Variants in GREB1L observed in about 807,000 individuals in gnomAD.
GREB1L encodes the protein GREB1 like retinoic acid receptor coactivator.
GREB1L carries 17 observed loss-of-function variants against 200.8 expected under a neutral mutation model. The ratio of observed to expected loss-of-function variants is 0.08; its 90% confidence interval spans 0.06 to 0.13. The LOEUF is 0.13. GREB1L is among the 10% of genes least tolerant of loss of function. GREB1L has a pLI of 1.00. For synonymous variants in GREB1L, 789 were observed against 893.0 expected (o/e 0.88, Z 2.08); for missense variants, 1,657 against 2,367.7 (o/e 0.70, Z 6.23).
At chr18:21,336,025 A>G (rs2039180034) in intron 1 of GREB1L, among the ~76,000 whole-genome samples, 2 of 152,138 alleles carry the variant, frequency 1.3e-5, no homozygotes, top group Non-Finnish European at 2.9e-5. Context: ...CAGTGAGAGG[A>G]TGCTAGATGA....
intron 15 of GREB1L, among the ~76,000 whole-genome samples, chr18:21,459,837 G>A (rs1331511726): frequency 1.3e-5 from 2 of 152,158 alleles, no homozygotes; most frequent in African/African-American, 4.8e-5. Context: ...CTGAGGTAGA[G>A]GAAACACGAG....
chr18:21,265,937 T>C (rs1485136940), intron 1 of GREB1L, among the ~76,000 whole-genome samples: 1 of 152,192 alleles, frequency 6.6e-6, no homozygotes, highest in South Asian at 2.1e-4. Context: ...TTAATTTTCT[T>C]CCAAGAAATA....
chr18:21,293,439 T>A (rs1209271322), intron 1 of GREB1L, among the ~76,000 whole-genome samples: 3 of 152,184 alleles, frequency 2.0e-5, no homozygotes, highest in Non-Finnish European at 2.9e-5. Context: ...TTTAAAAAAA[T>A]TATTTAATGG....
intron 2 of GREB1L, 111 bp from the exon 3 acceptor site, chr18:21,383,397 CAT>C (rs2040402785): frequency 1.3e-6 from 1 of 756,654 alleles, no homozygotes. Context: ...ATATATTTCA[CAT>C]CTTAACAAGA....
intron 29 of GREB1L, among the ~76,000 whole-genome samples, 187 bp from the exon 30 acceptor site, chr18:21,516,426 T>G (rs753138948): frequency 1.1e-4 from 17 of 152,178 alleles, no homozygotes; most frequent in Non-Finnish European, 2.2e-4. Flanking sequence ...CACTTTCCCC[T>G]TCCTTGAAAG....
chr18:21,401,193 A>C lies in GREB1L; in HGVS notation c.576A>C (p.Arg192=), dbSNP rs765955921. ...TCGGCTGTGGAGAAAGAGGATTTCG[A>C]TATTTCACGGAATTTTCCAACCACA... ...NCIGCGERGF[R]YFTEFSNHIN... Residue 192 remains arginine, a synonymous_variant, in exon 6 of 33, where the codon CGA becomes CGC. Coordinates refer to ENST00000424526, the MANE Select transcript of GREB1L (RefSeq NM_001142966.3). 2.4e-5 allele frequency: 37 copies of C among 1,551,518 alleles called. No homozygotes were observed. Among genetic ancestry groups the C allele is most frequent in the Non-Finnish European group, 3.0e-5 (34 of 1,146,988 alleles).
At chr18:21,326,682 G>A (rs922392047) in intron 1 of GREB1L, among the ~76,000 whole-genome samples, 1 of 152,162 alleles carries the variant, frequency 6.6e-6, no homozygotes, top group Non-Finnish European at 1.5e-5. Context: ...TTTTTAATCT[G>A]ATATAATAGA....
intron 1 of GREB1L, among the ~76,000 whole-genome samples, chr18:21,246,642 G>A (rs1444313285): frequency 1.3e-5 from 2 of 152,146 alleles, no homozygotes; most frequent in African/African-American, 4.8e-5. Flanking sequence ...CTAATGAATA[G>A]TGAACCAAAT....
At chr18:21,338,664 T>G (rs1175039365) in intron 1 of GREB1L, among the ~76,000 whole-genome samples, 1 of 152,246 alleles carries the variant, frequency 6.6e-6, no homozygotes, top group Non-Finnish European at 1.5e-5. Flanking sequence ...TTCTCCATGC[T>G]GTTTCTTCCT....
chr18:21,328,324 T>C (rs1342529788), intron 1 of GREB1L, among the ~76,000 whole-genome samples: 1 of 152,162 alleles, frequency 6.6e-6, no homozygotes, highest in Non-Finnish European at 1.5e-5. Flanking sequence ...TCCCAATGCA[T>C]TGAATCGAGT....
intron 17 of GREB1L, among the ~76,000 whole-genome samples, chr18:21,484,778 GCAC>G (rs1351802321): frequency 2.0e-5 from 3 of 152,048 alleles, no homozygotes; most frequent in Non-Finnish European, 4.4e-5. Context: ...AGCCAAGATC[GCAC>G]CATTGCACTC....
At chr18:21,504,527 C>T (rs1179790755) in intron 23 of GREB1L, among the ~76,000 whole-genome samples, 1 of 152,108 alleles carries the variant, frequency 6.6e-6, no homozygotes, top group Non-Finnish European at 1.5e-5. Flanking sequence ...CAGAGTGAGA[C>T]CCTGTCTCCA....
At chr18:21,363,276 G>A (rs894448629) in intron 1 of GREB1L, among the ~76,000 whole-genome samples, 5 of 4,030 alleles carry the variant, frequency 1.2e-3, no homozygotes, top group Non-Finnish European at 2.3e-3. Flanking sequence ...CCCCCACTCC[G>A]CCTCCCCCCC....
At chr18:21,246,010 C>A (rs1253202444) in intron 1 of GREB1L, among the ~76,000 whole-genome samples, 2 of 152,196 alleles carry the variant, frequency 1.3e-5, no homozygotes, top group African/African-American at 2.4e-5. Flanking sequence ...GCGTGAGCCA[C>A]CATGCCTGGC....
chr18:21,463,988 T>C (rs746816089), intron 15 of GREB1L, among the ~76,000 whole-genome samples: 2 of 152,180 alleles, frequency 1.3e-5, no homozygotes, highest in Non-Finnish European at 2.9e-5. Flanking sequence ...TGGAAATTTC[T>C]AGCGTCACAA....
intron 2 of GREB1L, among the ~76,000 whole-genome samples, chr18:21,373,300 C>A (rs2039950826): frequency 6.6e-6 from 1 of 152,090 alleles, no homozygotes; most frequent in Non-Finnish European, 1.5e-5. Flanking sequence ...TTAGGGGTTA[C>A]AAAGTGATAA....
intron 19 of GREB1L, among the ~76,000 whole-genome samples, chr18:21,492,345 C>CA (rs201213153): frequency 3.0e-3 from 425 of 143,040 alleles, no homozygotes; most frequent in Non-Finnish European, 4.6e-3. Context: ...GACTCTGTCT[C>CA]AAAAAAAAAA....
chr18:21,411,799 A>G (rs941272085), intron 7 of GREB1L, among the ~76,000 whole-genome samples: 24 of 151,418 alleles, frequency 1.6e-4, no homozygotes, highest in Non-Finnish European at 3.1e-4. Context: ...TAATCCCAGC[A>G]CTTTGGGAGG....
At chr18:21,437,192 T>C (rs1172194658) in intron 7 of GREB1L, among the ~76,000 whole-genome samples, 1 of 152,074 alleles carries the variant, frequency 6.6e-6, no homozygotes, top group Non-Finnish European at 1.5e-5. Context: ...ACCTCCCAAA[T>C]TGCTGAGATT....
Sources: gnomAD v4.1 joint callset for allele counts (sites outside exome capture counted in the v4.1 genomes callset) on GRCh38, gnomAD v4.1.1 for gene constraint, MANE v1.5 for transcripts, NCBI Gene and HGNC (gene_info 2026-07-23, HGNC 2026-07-21) for gene names.